CDKN2B-AS1: variants seen among roughly 807,000 people sequenced by gnomAD.
The protein encoded by CDKN2B-AS1 is CDKN2B and CDKN2A antisense cis and trans regulatory RNA 1.
At chr9:22,028,141 T>C (rs1438007001) in intron 1 of CDKN2B-AS1, among the ~76,000 whole-genome samples, 2 of 152,114 alleles carry the variant, frequency 1.3e-5, no homozygotes, top group African/African-American at 2.4e-5. Context: ...AGAAATAATA[T>C]TGGTGTCCAT....
At chr9:22,050,874 A>C (rs79376079) in intron 3 of CDKN2B-AS1, among the ~76,000 whole-genome samples, 194 of 152,290 alleles carry the variant, frequency 1.3e-3, no homozygotes, top group African/African-American at 4.6e-3. Context: ...TGTGACCTGC[A>C]AAGTGCTCAA....
In CDKN2B-AS1 at chr9:22,026,724, G is replaced by A. The variant is rs548840655; in HGVS notation, n.30-20027G>A. Reference sequence around the variant, plus strand: ...TCTAACCTCCAGCTTTGCCAAAGTCGCAGCTACTTTTGCCCAGACACCCAG... The same window carrying A: ...TCTAACCTCCAGCTTTGCCAAAGTCACAGCTACTTTTGCCCAGACACCCAG... On this transcript the variant is annotated intron_variant and non_coding_transcript_variant, in intron 1 of 4. Transcript: ENST00000650946. 1.9e-3 allele frequency among the ~76,000 whole-genome samples: 291 copies of A among 152,290 alleles called. 1 individual carries two copies. The highest frequency in any genetic ancestry group is 3.1e-3 in the Non-Finnish European group (212 of 68,022).
intron 1 of CDKN2B-AS1, among the ~76,000 whole-genome samples, chr9:22,028,201 A>G (rs141348408): frequency 5.2e-3 from 725 of 139,090 alleles, no homozygotes; most frequent in Non-Finnish European, 0.01. Flanking sequence ...TTGATTTCTT[A>G]TACATATAAA....
At chr9:22,041,701 T>G (rs771115061) in intron 1 of CDKN2B-AS1, among the ~76,000 whole-genome samples, 10 of 152,050 alleles carry the variant, frequency 6.6e-5, no homozygotes, top group Non-Finnish European at 1.5e-4. Context: ...CAGACTCTAT[T>G]TTCTTTATAT....
chr9:22,009,687 A>C (rs1821404725), intron 1 of CDKN2B-AS1, among the ~76,000 whole-genome samples: 1 of 152,220 alleles, frequency 6.6e-6, no homozygotes, highest in Non-Finnish European at 1.5e-5. Flanking sequence ...AAGTCATTCA[A>C]AATAACTCCG....
chr9:22,105,554 C>T (rs577614947), intron 4 of CDKN2B-AS1, among the ~76,000 whole-genome samples: 2 of 152,256 alleles, frequency 1.3e-5, no homozygotes, highest in African/African-American at 4.8e-5. Flanking sequence ...TCTGACAGGG[C>T]AGCTTAGTCC....
chr9:22,036,291 A>G (rs1822685514), intron 1 of CDKN2B-AS1, among the ~76,000 whole-genome samples: 1 of 152,158 alleles, frequency 6.6e-6, no homozygotes, highest in African/African-American at 2.4e-5. Context: ...GAAAAAGCCT[A>G]AAACAACCAG....
chr9:22,071,141 A>C (rs1824269635), intron 4 of CDKN2B-AS1, among the ~76,000 whole-genome samples: 1 of 151,208 alleles, frequency 6.6e-6, no homozygotes, highest in African/African-American at 2.4e-5. Flanking sequence ...ATTGCAACTT[A>C]GGAGATACAT....
intron 4 of CDKN2B-AS1, chr9:22,063,873 T>C (rs1015001084): frequency 6.6e-6 from 1 of 152,294 alleles, no homozygotes; most frequent in Non-Finnish European, 1.5e-5. Context: ...TATTTGCAGT[T>C]ATGATATTGG....
chr9:22,033,117 C>T (rs1822544717), intron 1 of CDKN2B-AS1: 1 of 152,118 alleles, frequency 6.6e-6, no homozygotes. Context: ...TTATGAGAAT[C>T]TAACTAATGG....
intron 4 of CDKN2B-AS1, among the ~76,000 whole-genome samples, chr9:22,062,994 T>C (rs1181663764): frequency 2.4e-5 from 1 of 42,304 alleles, no homozygotes; most frequent in Non-Finnish European, 3.9e-5. Flanking sequence ...CACATATATA[T>C]ATATAGAGAG....
At chr9:22,063,308 T>A (rs1432120928) in intron 4 of CDKN2B-AS1, among the ~76,000 whole-genome samples, 1 of 152,132 alleles carries the variant, frequency 6.6e-6, no homozygotes, top group Non-Finnish European at 1.5e-5. Flanking sequence ...TGACACCACA[T>A]TCCCCTGATT....
At chr9:22,116,462 A>G (rs945754157) in intron 4 of CDKN2B-AS1, among the ~76,000 whole-genome samples, 3 of 152,254 alleles carry the variant, frequency 2.0e-5, no homozygotes, top group Non-Finnish European at 2.9e-5. Flanking sequence ...AACAAATAAA[A>G]GTATTCAGAT....
At chr9:22,045,774 C>T (rs1431774679) in intron 1 of CDKN2B-AS1, among the ~76,000 whole-genome samples, 8 of 151,984 alleles carry the variant, frequency 5.3e-5, no homozygotes. Flanking sequence ...TAGCAGTATG[C>T]TATAAAAGTG....
chr9:22,066,123 C>T (rs138499636), intron 4 of CDKN2B-AS1: 1 of 152,246 alleles, frequency 6.6e-6, no homozygotes, highest in African/African-American at 2.4e-5. Context: ...GAATCACCTG[C>T]AAGTTTCTTT....
At chr9:22,072,388 G>A (rs59127870) in intron 4 of CDKN2B-AS1, among the ~76,000 whole-genome samples, 1,963 of 152,262 alleles carry the variant, frequency 0.013, 40 homozygotes, top group African/African-American at 0.046. Context: ...GCTGGAAAAT[G>A]ACCCTGGAGC....
chr9:22,013,423 C>G (rs902474038), intron 1 of CDKN2B-AS1, among the ~76,000 whole-genome samples: 2 of 151,940 alleles, frequency 1.3e-5, no homozygotes, highest in Admixed American at 1.3e-4. Flanking sequence ...GTTGAAATTG[C>G]TACAGTCTCT....
chr9:22,120,935 T>A (rs1826087347), intron 4 of CDKN2B-AS1: 1 of 152,184 alleles, frequency 6.6e-6, no homozygotes, highest in Admixed American at 6.5e-5. Flanking sequence ...TGGTTGCTAT[T>A]ATCCCCATGT....
intron 1 of CDKN2B-AS1, among the ~76,000 whole-genome samples, chr9:22,014,608 T>TTAG (rs1218082043): frequency 1.3e-5 from 2 of 151,660 alleles, no homozygotes; most frequent in Non-Finnish European, 2.9e-5. Context: ...AATCTTTCTT[T>TTAG]TATTATTATT....
Sources: allele counts gnomAD v4.1 joint callset (sites outside exome capture counted in the v4.1 genomes callset), GRCh38; gene constraint gnomAD v4.1.1; transcripts MANE v1.5; gene names NCBI Gene and HGNC (gene_info 2026-07-23, HGNC 2026-07-21).